The following CEP128 variants were observed in gnomAD, a reference collection of about 807,000 sequenced individuals.
CEP128 encodes centrosomal protein 128, also known as centrosomal protein 128kDa.
In CEP128, 132 loss-of-function variants were observed where a neutral mutation model predicts 156.7. The observed-to-expected ratio is 0.84, with a 90% CI of 0.73 to 0.97. CEP128 has a LOEUF of 0.97. CEP128 is among the 50% of genes least tolerant of loss of function. The pLI, the probability that CEP128 is intolerant of heterozygous loss-of-function variation, is 0.00. For missense variants in CEP128, 1,252 were observed against 1,281.9 expected, an observed-to-expected ratio of 0.98 and a Z score of 0.36; for synonymous variants, 469 against 448.9, an observed-to-expected ratio of 1.04 and a Z score of -0.57.
chr14:80,539,381 G>A (rs66523873), intron 21 of CEP128, among the ~76,000 whole-genome samples: 21,266 of 152,198 alleles, frequency 0.14, 1,651 homozygotes, highest in South Asian at 0.22. Flanking sequence ...GGAAGTCAGG[G>A]ACCTCGAACA....
chr14:80,601,754 C>T (rs1892590362), intron 19 of CEP128, among the ~76,000 whole-genome samples: 1 of 152,076 alleles, frequency 6.6e-6, no homozygotes, highest in Non-Finnish European at 1.5e-5. Flanking sequence ...ATGCATTGTG[C>T]TATGACATTA....
intron 14 of CEP128, among the ~76,000 whole-genome samples, chr14:80,786,879 G>A (rs757312462): frequency 3.9e-5 from 6 of 152,056 alleles, no homozygotes; most frequent in Admixed American, 1.3e-4. Flanking sequence ...AGGCTCAGGC[G>A]GGAAGATAGC....
chr14:80,822,729 C>A, intron 13 of CEP128: 2 of 844,144 alleles, frequency 2.4e-6, no homozygotes, highest in Non-Finnish European at 4.1e-6. Flanking sequence ...GGGAATAGCC[C>A]TGTAGAAAAT....
intron 23 of CEP128, among the ~76,000 whole-genome samples, chr14:80,506,848 T>C (rs1388370931): frequency 2.6e-5 from 4 of 151,998 alleles, no homozygotes; most frequent in African/African-American, 4.8e-5. Flanking sequence ...AGGGAGATGA[T>C]ATAGTTAGGG....
chr14:80,792,469 G>T (rs944655515), intron 14 of CEP128, among the ~76,000 whole-genome samples: 4 of 152,116 alleles, frequency 2.6e-5, no homozygotes, highest in Non-Finnish European at 5.9e-5. Flanking sequence ...AATATTAGAA[G>T]ATTAAACAAT....
chr14:80,647,065 A>ATG, intron 19 of CEP128, among the ~76,000 whole-genome samples: 1 of 74,284 alleles, frequency 1.3e-5, no homozygotes, highest in South Asian at 4.7e-4. Context: ...ATATATATAT[A>ATG]TATATATATA....
chr14:80,629,827 C>T (rs1893889880), intron 19 of CEP128, among the ~76,000 whole-genome samples: 1 of 151,744 alleles, frequency 6.6e-6, no homozygotes, highest in South Asian at 2.1e-4. Flanking sequence ...ATACTATAGT[C>T]CTAGGAATAA....
At chr14:80,899,645 A>G (rs912347330) in intron 7 of CEP128, among the ~76,000 whole-genome samples, 10 of 152,152 alleles carry the variant, frequency 6.6e-5, no homozygotes, top group Admixed American at 5.2e-4. Context: ...TCTCTCTCCA[A>G]TGTATTTGCA....
intron 13 of CEP128, among the ~76,000 whole-genome samples, chr14:80,808,439 C>T (rs145762007): frequency 1.3e-5 from 2 of 152,244 alleles, no homozygotes; most frequent in East Asian, 3.9e-4. Context: ...ACCAACAACA[C>T]CAGCATACAC....
At chr14:80,668,467 A>G (rs1316773545) in intron 19 of CEP128, among the ~76,000 whole-genome samples, 1 of 152,234 alleles carries the variant, frequency 6.6e-6, no homozygotes, top group Non-Finnish European at 1.5e-5. Context: ...ACAGAATTAG[A>G]AAATGACAAG....
chr14:80,924,660 T>C lies in CEP128; in HGVS notation c.-15-8098A>G, dbSNP rs374287659. On this transcript the variant is annotated intron_variant, in intron 2 of 24. Transcript: ENST00000555265. ...TAGAGAAAAGTAGACAGGATCCAAA[T>C]AAGCTGAGCTCTTGCATCCTTCTAC... Among the ~76,000 whole-genome samples, 22 of 152,050 alleles carry C rather than the reference T, an allele frequency of 1.4e-4. No individual in the cohort carries two copies. The East Asian group carries it at 3.7e-3, about 25-fold the overall frequency.
Position 80,700,415 on chromosome 14 carries a change from G to A in CEP128, c.2806+42660C>T, listed in dbSNP as rs368588135. On this transcript the variant is annotated intron_variant, in intron 19 of 24. Coordinates refer to ENST00000555265, the MANE Select transcript of CEP128 (RefSeq NM_152446.5). ...GTACAGAGTGGCAGGGAAGATGCGC[G>A]TCATTAATAGGTAATTATCCAAAAA... Among the ~76,000 whole-genome samples, 127 of 151,974 alleles carry A rather than the reference G, an allele frequency of 8.4e-4. 4 individuals carry two copies. Among genetic ancestry groups the A allele is most frequent in the East Asian group, 5.2e-3 (27 of 5,160 alleles).
rs139084396 is a variant in CEP128, at chr14:80,753,982, G to T, written c.2613+2910C>A. Reference sequence around the variant, plus strand: ...CACTCTATCTCACTGTATGGGAAAAGCTTCTTAACTGGTTTCTCTACCTCA... The same window carrying T: ...CACTCTATCTCACTGTATGGGAAAATCTTCTTAACTGGTTTCTCTACCTCA... On this transcript the variant is annotated intron_variant, in intron 18 of 24. Coordinates refer to ENST00000555265, the MANE Select transcript of CEP128 (RefSeq NM_152446.5). 5.3e-3 allele frequency among the ~76,000 whole-genome samples: 809 copies of T among 152,274 alleles called. 8 individuals are homozygous for T. The highest frequency in any genetic ancestry group is 0.019 in the African/African-American group (773 of 41,560).
chr14:80,659,878 G>A (rs1292841403), intron 19 of CEP128, among the ~76,000 whole-genome samples: 2 of 152,072 alleles, frequency 1.3e-5, no homozygotes, highest in Non-Finnish European at 1.5e-5. Context: ...TTATCATGAC[G>A]GATTTTGTCT....
intron 19 of CEP128, among the ~76,000 whole-genome samples, chr14:80,731,159 G>A (rs1322635892): frequency 1.3e-5 from 2 of 152,154 alleles, no homozygotes; most frequent in African/African-American, 4.8e-5. Flanking sequence ...CCAACAAAGT[G>A]AGGAAAGCCA....
intron 23 of CEP128, among the ~76,000 whole-genome samples, chr14:80,525,572 A>G (rs934655192): frequency 6.6e-6 from 1 of 152,232 alleles, no homozygotes; most frequent in Non-Finnish European, 1.5e-5. Flanking sequence ...TGATGCAGAA[A>G]TGCTTGAGTT....
At chr14:80,642,098 A>AAAAAAAAAAG (rs1894437670) in intron 19 of CEP128, among the ~76,000 whole-genome samples, 1 of 150,668 alleles carries the variant, frequency 6.6e-6, no homozygotes, top group African/African-American at 2.4e-5. Context: ...TCAAAAAAAA[A>AAAAAAAAAAG]AAAGAAGAGA....
In CEP128 at chr14:80,593,826, CACAA is replaced by C. The variant is rs534317251; in HGVS notation, c.2807-13407_2807-13404del. Among the ~76,000 whole-genome samples the C allele has an allele frequency of 1.6e-3, 248 of 152,132 alleles. 1 individual carries two copies. The highest frequency in any genetic ancestry group is 5.7e-3 in the African/African-American group (237 of 41,498). On this transcript the variant is annotated intron_variant, in intron 19 of 24. Transcript: ENST00000555265. ...CACTGCTCAAGGAAATAAGAGAGGA[CACAA>C]ACAAATGGAAAAACATTCCATGCTC...
At chr14:80,590,497 T>C (rs143469055) in intron 19 of CEP128, among the ~76,000 whole-genome samples, 81 of 152,076 alleles carry the variant, frequency 5.3e-4, no homozygotes, top group Non-Finnish European at 3.8e-4. Context: ...ATCCTATATC[T>C]AGTGAAAATA....
Sources: allele counts gnomAD v4.1 joint callset (sites outside exome capture counted in the v4.1 genomes callset), GRCh38; gene constraint gnomAD v4.1.1; transcripts MANE v1.5; gene names NCBI Gene and HGNC (gene_info 2026-07-23, HGNC 2026-07-21).